Variants in COL25A1 observed in about 807,000 individuals in gnomAD.
COL25A1 encodes collagen alpha-1(XXV) chain.
Under a neutral mutation model 128.4 loss-of-function variants are expected in COL25A1, and 103 were observed. The observed-to-expected ratio is 0.80, with a 90% CI of 0.68 to 0.94. The LOEUF is 0.94. Ranked by LOEUF, COL25A1 falls within the 40% of genes least tolerant of loss-of-function variation. COL25A1 has a pLI of 0.00. For missense variants in COL25A1, 745 were observed against 840.0 expected, an observed-to-expected ratio of 0.89 and a Z score of 1.40; for synonymous variants, 279 against 277.2, an observed-to-expected ratio of 1.01 and a Z score of -0.06.
rs796815194 is a variant in COL25A1, at chr4:109,218,376, T to G, written c.367+82207A>C. Reference sequence around the variant, plus strand: ...TTTGGGGTTTTTTTTTTTTTTTTTTTTTTTTTGCTTTTGAACTACACTTAC... The same window carrying G: ...TTTGGGGTTTTTTTTTTTTTTTTTTGTTTTTTGCTTTTGAACTACACTTAC... On this transcript the variant is annotated intron_variant, in intron 3 of 37. Transcript: ENST00000399132. Among the ~76,000 whole-genome samples the G allele has an allele frequency of 7.0e-3, 964 of 137,978 alleles. 21 individuals carry two copies. Among genetic ancestry groups the G allele is most frequent in the Middle Eastern group, 0.018 (5 of 278 alleles). 90.5% of individuals were successfully genotyped at this position (137,978 alleles called of 152,430 possible). A position where few individuals can be genotyped will look rare whatever the true frequency, so the allele number is the denominator to read the frequency against.
chr4:109,205,188 T>C (rs560674754), intron 3 of COL25A1, among the ~76,000 whole-genome samples: 5 of 152,300 alleles, frequency 3.3e-5, no homozygotes, highest in African/African-American at 9.6e-5. Context: ...GCATGCTGAA[T>C]AACATTGAGC....
intron 3 of COL25A1, among the ~76,000 whole-genome samples, chr4:109,088,538 A>G (rs1387725677): frequency 6.6e-6 from 1 of 152,238 alleles, no homozygotes; most frequent in Non-Finnish European, 1.5e-5. Flanking sequence ...GTCTAGAAAC[A>G]GGAACTTATC....
rs1409686960 is a variant in COL25A1, at chr4:108,905,466, G to A, written c.781-4294C>T. On this transcript the variant is annotated intron_variant, in intron 13 of 37. Coordinates refer to ENST00000399132, the MANE Select transcript of COL25A1 (RefSeq NM_198721.4). ...ACCAGCACGGCACATGTATACATAC[G>A]TAACTAACCTGCACAATGTGCACAT... 5.9e-5 allele frequency among the ~76,000 whole-genome samples: 9 copies of A among 151,346 alleles called. No individual in the cohort carries two copies. In the South Asian group the frequency reaches 8.3e-4, roughly 14 times the overall value.
At position 108,812,930 on chromosome 4, in the gene COL25A1, T is replaced by C. The variant is rs1730917281; in HGVS notation, c.*997A>G. 1 of 152,180 alleles carries C rather than the reference T, an allele frequency of 6.6e-6. No homozygotes were observed. Among genetic ancestry groups the C allele is most frequent in the African/African-American group, 2.4e-5 (1 of 41,438 alleles). The allele number at this position is 152,180 out of a possible 1,614,324, so 9.4% of individuals were successfully genotyped here. Reference sequence around the variant, plus strand: ...GGGACAGGATCTCCCATTCCAAGAATCTCCTATTCCAAAAGAAGTGCTGTG... The same window carrying C: ...GGGACAGGATCTCCCATTCCAAGAACCTCCTATTCCAAAAGAAGTGCTGTG... On this transcript the variant is annotated 3_prime_UTR_variant, in exon 38 of 38. Coordinates refer to ENST00000399132, the MANE Select transcript of COL25A1 (RefSeq NM_198721.4).
chr4:108,965,040 T>A (rs1032981222), intron 8 of COL25A1, among the ~76,000 whole-genome samples: 4 of 152,232 alleles, frequency 2.6e-5, no homozygotes, highest in Admixed American at 6.5e-5. Flanking sequence ...TATCCAGGCC[T>A]AAATGTTTTA....
At chr4:109,254,505 A>ATATATATGTGTGTG (rs1383703429) in intron 3 of COL25A1, among the ~76,000 whole-genome samples, 10 of 105,002 alleles carry the variant, frequency 9.5e-5, no homozygotes, top group African/African-American at 2.4e-4. Context: ...ATATATATAT[A>ATATATATGTGTGTG]TGTATGTGTG....
intron 3 of COL25A1, among the ~76,000 whole-genome samples, chr4:109,165,970 T>C (rs78967438): frequency 0.03 from 4,589 of 152,288 alleles, 232 homozygotes; most frequent in African/African-American, 0.1. Flanking sequence ...AAAATTCCAA[T>C]TTTTTAAGCT....
chr4:108,874,686 T>A (rs1349204178), intron 19 of COL25A1, among the ~76,000 whole-genome samples: 2 of 152,156 alleles, frequency 1.3e-5, no homozygotes, highest in African/African-American at 4.8e-5. Flanking sequence ...GTAGGACATT[T>A]TCTGAAAGTG....
chr4:109,001,424 G>GAGATCCTGGCAGGTAGGCATC (rs1561003582), intron 6 of COL25A1, among the ~76,000 whole-genome samples: 1 of 18,414 alleles, frequency 5.4e-5, no homozygotes, highest in African/African-American at 1.1e-4. Context: ...CAGGTAGGCA[G>GAGATCCTGGCAGGTAGGCATC]TGAGCTAGAG....
intron 31 of COL25A1, among the ~76,000 whole-genome samples, chr4:108,840,808 T>C (rs1024882007): frequency 7.2e-5 from 11 of 152,248 alleles, no homozygotes; most frequent in Admixed American, 3.3e-4. Context: ...ATAACAGCTG[T>C]CTTCTGACAT....
intron 11 of COL25A1, among the ~76,000 whole-genome samples, chr4:108,934,394 T>C (rs963858493): frequency 6.6e-6 from 1 of 151,854 alleles, no homozygotes; most frequent in African/African-American, 2.4e-5. Context: ...AAATGATGAG[T>C]TGATGGGTGC....
intron 31 of COL25A1, chr4:108,838,222 G>C (rs1469197325): frequency 7.4e-7 from 1 of 1,353,806 alleles, no homozygotes; most frequent in Admixed American, 2.0e-5. Context: ...TATTATGGGT[G>C]TTTAAACTGT....
At chr4:109,195,536 G>C (rs1775968615) in intron 3 of COL25A1, among the ~76,000 whole-genome samples, 1 of 152,120 alleles carries the variant, frequency 6.6e-6, no homozygotes, top group South Asian at 2.1e-4. Flanking sequence ...TTTCAAAAAT[G>C]TAAGAAACTA....
chr4:109,149,305 T>C (rs1445257283), intron 3 of COL25A1, among the ~76,000 whole-genome samples: 1 of 152,182 alleles, frequency 6.6e-6, no homozygotes, highest in South Asian at 2.1e-4. Context: ...AGTTGAAAAA[T>C]ATTAAATCAT....
chr4:108,811,893 T>A lies in COL25A1; in HGVS notation c.*2034A>T, dbSNP rs1435380375. 6.6e-6 allele frequency: 1 copy of A among 152,182 alleles called. No individual in the cohort carries two copies. The highest frequency in any genetic ancestry group is 2.4e-5 in the African/African-American group (1 of 41,440). The allele number at this position is 152,182 out of a possible 1,614,324, so 9.4% of individuals were successfully genotyped here. A position where few individuals can be genotyped will look rare whatever the true frequency, so the allele number is the denominator to read the frequency against. On this transcript the variant is annotated 3_prime_UTR_variant, in exon 38 of 38. Transcript: ENST00000399132. ...ATTTGGTTACATAACATAAATGAGA[T>A]CATGAGGATTTTAGGTTCCTTGTCT...
intron 3 of COL25A1, among the ~76,000 whole-genome samples, chr4:109,092,617 T>C (rs1765019017): frequency 6.6e-6 from 1 of 152,232 alleles, no homozygotes; most frequent in South Asian, 2.1e-4. Context: ...TCTTGAATTC[T>C]AAGGTACTTG....
intron 3 of COL25A1, among the ~76,000 whole-genome samples, chr4:109,259,227 T>C (rs778427393): frequency 3.3e-5 from 5 of 152,062 alleles, no homozygotes; most frequent in Non-Finnish European, 7.4e-5. Context: ...AATAGAGCGG[T>C]TGAAAAAAGT....
chr4:109,150,067 GTGTA>G (rs1289884400), intron 3 of COL25A1, among the ~76,000 whole-genome samples: 1 of 151,382 alleles, frequency 6.6e-6, no homozygotes. Context: ...TGTATGCAGT[GTGTA>G]TGTGTGTTTG....
chr4:109,218,771 C>A (rs184200063), intron 3 of COL25A1, among the ~76,000 whole-genome samples: 1 of 152,230 alleles, frequency 6.6e-6, no homozygotes, highest in East Asian at 1.9e-4. Flanking sequence ...GTAACCAAAT[C>A]TTCAGCTGCC....
Sources: allele counts gnomAD v4.1 joint callset (sites outside exome capture counted in the v4.1 genomes callset), GRCh38; gene constraint gnomAD v4.1.1; transcripts MANE v1.5; gene names NCBI Gene and HGNC (gene_info 2026-07-23, HGNC 2026-07-21).